MAP3K5: variants seen among roughly 807,000 people sequenced by gnomAD.
MAP3K5 encodes mitogen-activated protein kinase kinase kinase 5.
In MAP3K5, 56 loss-of-function variants were observed where a neutral mutation model predicts 158.7. The observed-to-expected ratio is 0.35, with a 90% CI of 0.28 to 0.44. MAP3K5 has a LOEUF of 0.44. MAP3K5 is among the 20% of genes least tolerant of loss of function. The pLI is 1.00. For synonymous variants in MAP3K5, 579 were observed against 601.7 expected, an observed-to-expected ratio of 0.96 and a Z score of 0.55; for missense variants, 1,294 against 1,674.8, an observed-to-expected ratio of 0.77 and a Z score of 3.97.
rs572526792 is a variant in MAP3K5 at position 136,741,060 on chromosome 6, T to C, written c.449-20471A>G. 3.9e-5 allele frequency among the ~76,000 whole-genome samples: 6 copies of C among 152,218 alleles called. No homozygotes were observed. In the South Asian group the frequency reaches 1.2e-3, roughly 31 times the overall value. ...TTGCTTTTCCATCAATAAGACTGTC[T>C]TGGTTGTCGATATAGACCATGACAG... On this transcript the variant is annotated intron_variant, in intron 1 of 29. Transcript: ENST00000359015.
chr6:136,562,177 A>G (rs1830545054), intron 27 of MAP3K5, among the ~76,000 whole-genome samples: 1 of 152,232 alleles, frequency 6.6e-6, no homozygotes, highest in Non-Finnish European at 1.5e-5. Flanking sequence ...TAAATGCAAA[A>G]TGACAAAAAA....
Position 136,642,015 on chromosome 6 carries a change from TAAATAAAATAAAATAAAAATA to T in MAP3K5, c.1838+484_1838+504del, listed in dbSNP as rs1289253335. Among the ~76,000 whole-genome samples the T allele has an allele frequency of 5.2e-4, 57 of 110,556 alleles. 1 individual carries two copies. Among genetic ancestry groups the T allele is most frequent in the Middle Eastern group, 8.8e-3 (2 of 228 alleles). The allele number at this position is 110,556 out of a possible 152,430, so 72.5% of individuals were successfully genotyped here. A position where few individuals can be genotyped will look rare whatever the true frequency, so the allele number is the denominator to read the frequency against. ...CAAAATAAAATAAAATAAAATAAAA[TAAATAAAATAAAATAAAAATA>T]AAATAAAATAAAATAAAATAAAATA... On this transcript the variant is annotated intron_variant, in intron 12 of 29. Coordinates refer to ENST00000359015, the MANE Select transcript of MAP3K5 (RefSeq NM_005923.4).
At chr6:136,754,226 T>C (rs1783356250) in intron 1 of MAP3K5, among the ~76,000 whole-genome samples, 1 of 150,362 alleles carries the variant, frequency 6.7e-6, no homozygotes, top group Non-Finnish European at 1.5e-5. Context: ...TGAGCCAAGA[T>C]TGTGCCACTG....
Position 136,558,807 on chromosome 6 carries a change from T to C in MAP3K5, c.4057A>G (p.Arg1353Gly), listed in dbSNP as rs1830369417. The change falls in exon 29 of 30, where the codon AGA (arginine) becomes GGA (glycine). Residue 1353 changes from arginine to glycine, a missense_variant. Physicochemically the swap from Arg to Gly is moderately radical, Grantham distance 125. This residue lies in a region of MAP3K5 where 199 missense variants were observed against 220.3 expected (regional missense o/e 0.90). Coordinates refer to ENST00000359015, the MANE Select transcript of MAP3K5 (RefSeq NM_005923.4). ...CAGAAAGAAAAGTGGTACCTTAGTCTCAAGCATTTTAAGTCATCACGTGTA... is the reference window on the plus strand; with the variant it reads ...CAGAAAGAAAAGTGGTACCTTAGTCCCAAGCATTTTAAGTCATCACGTGTA... ...YVTRDDLKCL[R>G]LRGGMLCTLW... is the part of the protein sequence containing the mutation. 2 of 1,592,878 alleles carry C rather than the reference T, an allele frequency of 1.3e-6. No homozygotes were observed. Among genetic ancestry groups the C allele is most frequent in the African/African-American group, 1.3e-5 (1 of 74,524 alleles).
At chr6:136,604,450 C>T (rs1274935056) in intron 19 of MAP3K5, among the ~76,000 whole-genome samples, 1 of 152,022 alleles carries the variant, frequency 6.6e-6, no homozygotes, top group Non-Finnish European at 1.5e-5. Flanking sequence ...TTTAAGTCCT[C>T]TGCCTTAGAA....
At chr6:136,656,225 G>C (rs1317482707) in intron 10 of MAP3K5, 82 bp downstream of exon 10, 1 of 1,257,172 alleles carries the variant, frequency 8.0e-7, no homozygotes. Context: ...CCAAAAATCA[G>C]CCCCCAAGCA....
At chr6:136,695,671 T>A (rs1314164866) in intron 6 of MAP3K5, among the ~76,000 whole-genome samples, 3 of 152,214 alleles carry the variant, frequency 2.0e-5, no homozygotes, top group African/African-American at 7.2e-5. Context: ...ACTTTTACAA[T>A]TCTAAAAAAT....
chr6:136,726,146 T>C (rs755725275), intron 1 of MAP3K5, among the ~76,000 whole-genome samples: 2 of 152,238 alleles, frequency 1.3e-5, no homozygotes, highest in Admixed American at 6.5e-5. Context: ...TTGGCTGTTT[T>C]AGTTGTTCTC....
At chr6:136,671,475 G>T (rs1466449523) in intron 7 of MAP3K5, among the ~76,000 whole-genome samples, 1 of 152,142 alleles carries the variant, frequency 6.6e-6, no homozygotes, top group Non-Finnish European at 1.5e-5. Context: ...GAGCATGTAG[G>T]TATATTACGA....
At chr6:136,737,043 A>G (rs993410458) in intron 1 of MAP3K5, among the ~76,000 whole-genome samples, 7 of 147,060 alleles carry the variant, frequency 4.8e-5, no homozygotes, top group African/African-American at 1.8e-4. Flanking sequence ...GTGTGTATAT[A>G]TATATATATA....
At chr6:136,651,179 A>G in intron 10 of MAP3K5, 88 bp from the exon 11 acceptor site, 1 of 628,690 alleles carries the variant, frequency 1.6e-6, no homozygotes, top group Non-Finnish European at 2.8e-6. Flanking sequence ...ACCAACGTAG[A>G]GGATTATTGC....
At chr6:136,743,551 T>C (rs1407954335) in intron 1 of MAP3K5, among the ~76,000 whole-genome samples, 1 of 152,226 alleles carries the variant, frequency 6.6e-6, no homozygotes, top group Admixed American at 6.5e-5. Flanking sequence ...AGTAAGGATG[T>C]GGAACCACAG....
At chr6:136,707,109 T>A (rs979409919) in intron 2 of MAP3K5, among the ~76,000 whole-genome samples, 14 of 152,138 alleles carry the variant, frequency 9.2e-5, no homozygotes, top group African/African-American at 3.4e-4. Flanking sequence ...CAGCTATGAC[T>A]GTGCCACTGC....
In MAP3K5 at chr6:136,698,701, T is replaced by C. The variant is rs374348404; in HGVS notation, c.613-19A>G. The C allele has an allele frequency of 6.9e-6, 11 of 1,595,502 alleles. No homozygotes were observed. Among genetic ancestry groups the C allele is most frequent in the Non-Finnish European group, 7.7e-6 (9 of 1,165,552 alleles). ...TGCACATCTGCGGAGAGAGGAGGCATCGGCAAGTGGGGAGCTGGCCTGGAG... is the reference window on the plus strand; with the variant it reads ...TGCACATCTGCGGAGAGAGGAGGCACCGGCAAGTGGGGAGCTGGCCTGGAG... On this transcript the variant is annotated intron_variant, in intron 3 of 29. Transcript: ENST00000359015.
At chr6:136,733,117 A>G (rs74843017) in intron 1 of MAP3K5, among the ~76,000 whole-genome samples, 5,196 of 152,190 alleles carry the variant, frequency 0.034, 283 homozygotes, top group African/African-American at 0.12. Context: ...CTCCCACCTC[A>G]GTTCTCAAGT....
At chr6:136,625,114 T>G (rs920909339) in intron 14 of MAP3K5, among the ~76,000 whole-genome samples, 10 of 152,158 alleles carry the variant, frequency 6.6e-5, no homozygotes, top group Non-Finnish European at 1.5e-4. Context: ...ATTTTCAGTT[T>G]CATTAATCTA....
chr6:136,706,329 G>A (rs1487663611), intron 2 of MAP3K5, among the ~76,000 whole-genome samples: 5 of 152,076 alleles, frequency 3.3e-5, no homozygotes, highest in Non-Finnish European at 5.9e-5. Context: ...TGTGAAGATT[G>A]AGTGAGATCA....
chr6:136,696,101 G>T, intron 5 of MAP3K5, 44 bp from the exon 6 acceptor site: 3 of 1,155,880 alleles, frequency 2.6e-6, no homozygotes, highest in Non-Finnish European at 3.8e-6. Flanking sequence ...ACCATTAGGA[G>T]AAAATTCTCA....
intron 1 of MAP3K5, among the ~76,000 whole-genome samples, chr6:136,732,413 A>G (rs117729710): frequency 0.017 from 2,571 of 152,314 alleles, 32 homozygotes; most frequent in Non-Finnish European, 0.029. Flanking sequence ...TGACAGAGCG[A>G]GGCTCCGTCT....
Sources: gnomAD v4.1 joint callset for allele counts (sites outside exome capture counted in the v4.1 genomes callset) on GRCh38, gnomAD v4.1.1 for gene constraint, gnomAD v4.1.1 regional missense constraint, MANE v1.5 for transcripts, NCBI Gene and HGNC (gene_info 2026-07-23, HGNC 2026-07-21) for gene names.